The following CFAP299 variants were observed in gnomAD, a reference collection of about 807,000 sequenced individuals.
The protein encoded by CFAP299 is cilia- and flagella-associated protein 299.
In CFAP299, 21 loss-of-function variants were observed where a neutral mutation model predicts 27.0. The ratio of observed to expected loss-of-function variants is 0.78; its 90% CI spans 0.55 to 1.12. The LOEUF (loss-of-function observed/expected upper bound fraction) is 1.12, where lower values mean the gene tolerates loss of function less well. CFAP299 is among the 50% of genes most tolerant of loss of function. The probability of loss-of-function intolerance (pLI) is 0.00; values close to 1 mark genes in which losing one functional copy is unlikely to be tolerated. For missense variants in CFAP299, 310 were observed against 276.6 expected, an observed-to-expected ratio of 1.12 and a Z score of -0.86; for synonymous variants, 104 against 98.1, an observed-to-expected ratio of 1.06 and a Z score of -0.36.
chr4:80,878,671 A>G (rs997272694), intron 4 of CFAP299, among the ~76,000 whole-genome samples: 4 of 152,062 alleles, frequency 2.6e-5, no homozygotes, highest in Admixed American at 6.5e-5. Flanking sequence ...TTAGTAGCAA[A>G]TTAACTTTGC....
intron 3 of CFAP299, among the ~76,000 whole-genome samples, chr4:80,807,115 A>G (rs1728902712): frequency 6.6e-6 from 1 of 152,142 alleles, no homozygotes. Context: ...AATGAACAGA[A>G]ATCTGCAGGT....
At chr4:80,855,477 A>G (rs141006396) in intron 3 of CFAP299, among the ~76,000 whole-genome samples, 1 of 152,208 alleles carries the variant, frequency 6.6e-6, no homozygotes, top group African/African-American at 2.4e-5. Flanking sequence ...ACATATGTAT[A>G]CATGTGACAT....
At chr4:80,778,175 T>TA (rs762883498) in intron 3 of CFAP299, among the ~76,000 whole-genome samples, 27 of 152,158 alleles carry the variant, frequency 1.8e-4, no homozygotes, top group Non-Finnish European at 3.4e-4. Context: ...GGATTTTTTT[T>TA]AAAGTATCTT....
At chr4:80,540,883 C>T (rs1434571020) in intron 2 of CFAP299, among the ~76,000 whole-genome samples, 1 of 152,140 alleles carries the variant, frequency 6.6e-6, no homozygotes, top group Non-Finnish European at 1.5e-5. Context: ...AACTATCTAA[C>T]AAACCCTTTC....
chr4:80,554,082 A>T (rs916454517), intron 2 of CFAP299, among the ~76,000 whole-genome samples: 5 of 152,042 alleles, frequency 3.3e-5, no homozygotes, highest in Non-Finnish European at 7.4e-5. Context: ...TATGTCCAGG[A>T]TGGTATTGCC....
intron 2 of CFAP299, chr4:80,387,570 G>A: frequency 9.7e-7 from 1 of 1,033,958 alleles, no homozygotes; most frequent in Non-Finnish European, 1.5e-6. Flanking sequence ...GCCTACTGGG[G>A]TTCAGGGCCA....
intron 4 of CFAP299, among the ~76,000 whole-genome samples, chr4:80,940,941 C>T (rs895219209): frequency 2.6e-5 from 4 of 152,088 alleles, no homozygotes; most frequent in Admixed American, 6.6e-5. Context: ...ATAAAATGAT[C>T]ATCTAGATAA....
At chr4:80,390,900 T>TAC (rs397994187) in intron 2 of CFAP299, among the ~76,000 whole-genome samples, 1 of 128,316 alleles carries the variant, frequency 7.8e-6, no homozygotes, top group Non-Finnish European at 1.7e-5. Context: ...TACACACATA[T>TAC]GCATATATGT....
chr4:80,612,656 GTTTAA>G (rs1331079807), intron 3 of CFAP299, among the ~76,000 whole-genome samples: 8 of 151,974 alleles, frequency 5.3e-5, no homozygotes, highest in Non-Finnish European at 8.8e-5. Context: ...ATTTTCTGTG[GTTTAA>G]TTTAAACTAT....
At chr4:80,380,409 G>A (rs1401143133) in intron 2 of CFAP299, among the ~76,000 whole-genome samples, 1 of 142,856 alleles carries the variant, frequency 7.0e-6, no homozygotes, top group Admixed American at 7.0e-5. Context: ...ATATTATTTA[G>A]ATTGTGTCTC....
intron 3 of CFAP299, among the ~76,000 whole-genome samples, chr4:80,780,958 C>T (rs1726842322): frequency 6.6e-6 from 1 of 151,560 alleles, no homozygotes; most frequent in Admixed American, 6.6e-5. Flanking sequence ...CAACCTTCTT[C>T]CATAAGAAAT....
chr4:80,530,782 G>A (rs1733425233), intron 2 of CFAP299, among the ~76,000 whole-genome samples: 1 of 152,180 alleles, frequency 6.6e-6, no homozygotes, highest in Non-Finnish European at 1.5e-5. Context: ...GAAGAAGAAA[G>A]CAGAGCTGAT....
At position 80,880,748 on chromosome 4, in the gene CFAP299, A is replaced by AAATT. The variant is rs1553902761; in HGVS notation, c.476+10615_476+10616insTTAA. ...CTCAAAAAATAAAATAAAATAAAAT[A>AAATT]AAATAAAATTAAATTAAATTAAAAT... On this transcript the variant is annotated intron_variant, in intron 4 of 5. Transcript: ENST00000358105. Among the ~76,000 whole-genome samples the AAATT allele has an allele frequency of 1.9e-3, 261 of 139,012 alleles. 3 individuals are homozygous for AAATT. In the East Asian group the frequency reaches 0.029, roughly 16 times the overall value. 91.2% of individuals were successfully genotyped at this position (139,012 alleles called of 152,430 possible). A position where few individuals can be genotyped will look rare whatever the true frequency, so the allele number is the denominator to read the frequency against.
intron 2 of CFAP299, among the ~76,000 whole-genome samples, chr4:80,451,306 G>T (rs1728893819): frequency 6.6e-6 from 1 of 152,280 alleles, no homozygotes; most frequent in East Asian, 1.9e-4. Context: ...ACCAGTCAGA[G>T]TGGATTAGGG....
intron 3 of CFAP299, among the ~76,000 whole-genome samples, chr4:80,806,047 GAAC>G (rs898144090): frequency 6.6e-6 from 1 of 152,060 alleles, no homozygotes; most frequent in African/African-American, 2.4e-5. Context: ...TTAAATGACA[GAAC>G]AATAATGTAC....
At chr4:80,679,904 C>A (rs907285898) in intron 3 of CFAP299, among the ~76,000 whole-genome samples, 3 of 151,904 alleles carry the variant, frequency 2.0e-5, no homozygotes, top group African/African-American at 7.2e-5. Context: ...CTTTTTCATT[C>A]TCTTAACATA....
At chr4:80,543,939 G>C (rs769294430) in intron 2 of CFAP299, among the ~76,000 whole-genome samples, 13 of 152,118 alleles carry the variant, frequency 8.5e-5, no homozygotes, top group Non-Finnish European at 1.5e-4. Flanking sequence ...AAGGTCTTAA[G>C]ACAGCTAGAG....
chr4:80,412,273 C>CTT lies in CFAP299; in HGVS notation c.242+49400_242+49401dup, dbSNP rs11446475. Among the ~76,000 whole-genome samples the CTT allele has an allele frequency of 9.2e-3, 1,349 of 146,572 alleles. 16 individuals are homozygous for CTT. Among genetic ancestry groups the CTT allele is most frequent in the South Asian group, 0.027 (126 of 4,642 alleles). On this transcript the variant is annotated intron_variant, in intron 2 of 5. Coordinates refer to ENST00000358105, the MANE Select transcript of CFAP299 (RefSeq NM_152770.3). ...CAATAGTCTGAATCCACATATAGTCCTTTTTTTTTTTTGCTTATTAAACAC... is the reference window on the plus strand; with the variant it reads ...CAATAGTCTGAATCCACATATAGTCCTTTTTTTTTTTTTTGCTTATTAAACAC...
chr4:80,686,800 G>A (rs943064441), intron 3 of CFAP299, among the ~76,000 whole-genome samples: 1 of 152,178 alleles, frequency 6.6e-6, no homozygotes, highest in Non-Finnish European at 1.5e-5. Flanking sequence ...AGATGCCTAT[G>A]AAAACTACAG....
Sources: allele counts gnomAD v4.1 joint callset (sites outside exome capture counted in the v4.1 genomes callset), GRCh38; gene constraint gnomAD v4.1.1; transcripts MANE v1.5; gene names NCBI Gene and HGNC (gene_info 2026-07-23, HGNC 2026-07-21).